ATP8B4: variants seen among roughly 807,000 people sequenced by gnomAD.
ATP8B4 encodes ATPase phospholipid transporting 8B4 (putative), also known as probable phospholipid-transporting ATPase IM.
ATP8B4 carries 133 observed loss-of-function variants against 145.6 expected under a neutral mutation model. The observed-to-expected ratio is 0.91, with a 90% confidence interval of 0.79 to 1.05. ATP8B4 has a LOEUF of 1.05. ATP8B4 is among the 50% of genes least tolerant of loss of function. The pLI, the probability that ATP8B4 is intolerant of heterozygous loss-of-function variation, is 0.00. For missense variants in ATP8B4, 1,458 were observed against 1,425.2 expected (o/e 1.02, Z -0.37); for synonymous variants, 507 against 492.9 (o/e 1.03, Z -0.38).
At chr15:49,872,481 C>T (rs1239108040) in intron 25 of ATP8B4, among the ~76,000 whole-genome samples, 3 of 152,074 alleles carry the variant, frequency 2.0e-5, no homozygotes, top group Non-Finnish European at 4.4e-5. Context: ...GTGGAGAAAC[C>T]TGAAAAACAT....
chr15:50,102,907 G>C (rs1335343512), intron 2 of ATP8B4, among the ~76,000 whole-genome samples: 1 of 151,970 alleles, frequency 6.6e-6, no homozygotes, highest in East Asian at 1.9e-4. Context: ...AATCAAGCGA[G>C]TTTCGTACCA....
At chr15:50,149,258 T>C (rs954445624) in intron 1 of ATP8B4, among the ~76,000 whole-genome samples, 1 of 152,218 alleles carries the variant, frequency 6.6e-6, no homozygotes, top group Non-Finnish European at 1.5e-5. Flanking sequence ...ATCTGAGTCA[T>C]GTCATAAGCA....
intron 8 of ATP8B4, among the ~76,000 whole-genome samples, chr15:50,000,176 G>A (rs899289571): frequency 3.9e-5 from 6 of 152,142 alleles, no homozygotes; most frequent in African/African-American, 1.4e-4. Flanking sequence ...ACAGGTTTTT[G>A]TACAAACATG....
intron 24 of ATP8B4, among the ~76,000 whole-genome samples, chr15:49,877,559 G>C (rs1312391238): frequency 6.6e-6 from 1 of 152,138 alleles, no homozygotes; most frequent in African/African-American, 2.4e-5. Context: ...GATGCTTTTG[G>C]ATGCTTGTTC....
At chr15:50,033,433 T>C (rs1163495227) in intron 6 of ATP8B4, among the ~76,000 whole-genome samples, 1 of 152,184 alleles carries the variant, frequency 6.6e-6, no homozygotes, top group East Asian at 1.9e-4. Flanking sequence ...AGAAGTGATA[T>C]GGACTCTATT....
intron 12 of ATP8B4, among the ~76,000 whole-genome samples, chr15:49,976,661 T>G (rs1031859991): frequency 6.6e-6 from 1 of 152,192 alleles, no homozygotes; most frequent in Non-Finnish European, 1.5e-5. Flanking sequence ...TTGATTGTTG[T>G]GTTATAGTAT....
At chr15:50,161,186 ACTC>A (rs1227149035) in intron 1 of ATP8B4, among the ~76,000 whole-genome samples, 2 of 151,670 alleles carry the variant, frequency 1.3e-5, no homozygotes, top group African/African-American at 4.8e-5. Flanking sequence ...AAGTATAGTT[ACTC>A]CTCCTCTTTT....
chr15:49,915,414 G>C (rs1018323838), intron 20 of ATP8B4, among the ~76,000 whole-genome samples: 1 of 152,072 alleles, frequency 6.6e-6, no homozygotes, highest in Non-Finnish European at 1.5e-5. Flanking sequence ...GGTGGGTATA[G>C]TTAGCAACCA....
intron 2 of ATP8B4, among the ~76,000 whole-genome samples, chr15:50,105,727 A>G (rs2056644080): frequency 6.6e-6 from 1 of 152,170 alleles, no homozygotes; most frequent in South Asian, 2.1e-4. Context: ...TATTTCCAAA[A>G]ATTTCCTACT....
chr15:49,903,195 T>A (rs182097985), intron 20 of ATP8B4, among the ~76,000 whole-genome samples: 1 of 152,212 alleles, frequency 6.6e-6, no homozygotes, highest in Admixed American at 6.5e-5. Context: ...TTCTTTTTCT[T>A]CCTGGAATTT....
intron 1 of ATP8B4, among the ~76,000 whole-genome samples, chr15:50,131,770 T>C (rs1394349835): frequency 6.7e-6 from 1 of 148,724 alleles, no homozygotes; most frequent in Non-Finnish European, 1.5e-5. Flanking sequence ...TATACTAATA[T>C]TAACTGAAAT....
At chr15:50,107,134 A>C in intron 1 of ATP8B4, 126 bp from the exon 2 acceptor site, 1 of 530,468 alleles carries the variant, frequency 1.9e-6, no homozygotes, top group Non-Finnish European at 3.2e-6. Flanking sequence ...AAAGAACAAC[A>C]GATTTAATTT....
intron 16 of ATP8B4, among the ~76,000 whole-genome samples, chr15:49,927,948 T>C (rs1226868436): frequency 6.6e-6 from 1 of 152,140 alleles, no homozygotes; most frequent in Non-Finnish European, 1.5e-5. Context: ...TAGTTTCTAG[T>C]AGTTAGAGAC....
intron 26 of ATP8B4, among the ~76,000 whole-genome samples, chr15:49,865,022 C>T (rs2032537557): frequency 6.6e-6 from 1 of 152,152 alleles, no homozygotes; most frequent in Non-Finnish European, 1.5e-5. Context: ...AATGAGTTGA[C>T]TGATGGCTGG....
At chr15:49,884,198 G>T (rs999029659) in intron 23 of ATP8B4, among the ~76,000 whole-genome samples, 1 of 152,034 alleles carries the variant, frequency 6.6e-6, no homozygotes, top group Non-Finnish European at 1.5e-5. Flanking sequence ...CACAAAGTTT[G>T]AGAACGCCAG....
intron 3 of ATP8B4, among the ~76,000 whole-genome samples, chr15:50,051,586 A>AGGGTGTT: frequency 6.6e-6 from 1 of 152,366 alleles, no homozygotes; most frequent in East Asian, 1.9e-4. Context: ...ACTGCAAAAT[A>AGGGTGTT]GGGTGTTGGT....
Position 50,086,267 on chromosome 15 carries a change from TAATAA to T in ATP8B4, c.29-12087_29-12083del, listed in dbSNP as rs1335439106. Among the ~76,000 whole-genome samples the T allele has an allele frequency of 9.3e-3, 856 of 91,772 alleles. 68 individuals carry two copies. Among genetic ancestry groups the T allele is most frequent in the African/African-American group, 0.047 (834 of 17,906 alleles). 60.2% of individuals were successfully genotyped at this position (91,772 alleles called of 152,430 possible). A position where few individuals can be genotyped will look rare whatever the true frequency, so the allele number is the denominator to read the frequency against. On this transcript the variant is annotated intron_variant, in intron 2 of 27. Transcript: ENST00000284509. Reference sequence around the variant, plus strand: ...TATAGAGATCTATATTTATTATATATAATAAAATAATATAGAGATCTATATTTATT... The same window carrying T: ...TATAGAGATCTATATTTATTATATATAATAATATAGAGATCTATATTTATT...
At chr15:49,957,105 C>G (rs1242433132) in intron 14 of ATP8B4, among the ~76,000 whole-genome samples, 3 of 151,296 alleles carry the variant, frequency 2.0e-5, no homozygotes, top group African/African-American at 7.3e-5. Flanking sequence ...ATTTGAAAAC[C>G]AAAAAATATC....
chr15:49,915,436 T>C (rs963781524), intron 20 of ATP8B4, among the ~76,000 whole-genome samples: 2 of 152,082 alleles, frequency 1.3e-5, no homozygotes, highest in Admixed American at 1.3e-4. Context: ...GTATTGTATA[T>C]TTCAAGTTAG....
Sources: gnomAD v4.1 joint callset for allele counts (sites outside exome capture counted in the v4.1 genomes callset) on GRCh38, gnomAD v4.1.1 for gene constraint, MANE v1.5 for transcripts, NCBI Gene and HGNC (gene_info 2026-07-23, HGNC 2026-07-21) for gene names.